The following MFAP5 variants were observed in gnomAD, a reference collection of about 807,000 sequenced individuals.
MFAP5 encodes the protein microfibril associated protein 5.
Under a neutral mutation model 30.1 loss-of-function variants are expected in MFAP5, and 19 were observed. The observed-to-expected ratio is 0.63, with a 90% CI of 0.44 to 0.93. MFAP5 has a LOEUF of 0.93. Among genes scored for constraint, MFAP5 ranks in the 40% least tolerant of loss-of-function variants. The pLI, the probability that MFAP5 is intolerant of heterozygous loss-of-function variation, is 0.00. For synonymous variants in MFAP5, 92 were observed against 72.9 expected (o/e 1.26, Z -1.33); for missense variants, 210 against 221.3 (o/e 0.95, Z 0.32).
At chr12:8,662,486 AAT>A in intron 1 of MFAP5, 139 bp downstream of exon 1, 1 of 220,042 alleles carries the variant, frequency 4.5e-6, no homozygotes, top group Admixed American at 5.2e-5. Context: ...CCTTCATCAG[AAT>A]TCCACGGTTA....
chr12:8,659,293 A>G (rs1942084632), intron 3 of MFAP5, among the ~76,000 whole-genome samples: 1 of 150,980 alleles, frequency 6.6e-6, no homozygotes, highest in African/African-American at 2.4e-5. Flanking sequence ...GGGTAACAAG[A>G]GCGAAACTCT....
intron 8 of MFAP5, 68 bp from the exon 9 acceptor site, chr12:8,649,642 G>C (rs1352102418): frequency 1.5e-6 from 2 of 1,300,454 alleles, no homozygotes; most frequent in Non-Finnish European, 1.1e-6. Flanking sequence ...GAACTCACCT[G>C]GGTCTGGGAT....
At chr12:8,655,907 G>A (rs2136471750) in intron 3 of MFAP5, 77 bp from the exon 4 acceptor site, 6 of 1,271,294 alleles carry the variant, frequency 4.7e-6, no homozygotes, top group Non-Finnish European at 5.6e-6. Flanking sequence ...AAGTTAAATT[G>A]CGAAGCATAG....
intron 3 of MFAP5, among the ~76,000 whole-genome samples, chr12:8,656,639 C>CACACATACACACACACACAT (rs1565526804): frequency 1.8e-4 from 24 of 130,192 alleles, no homozygotes; most frequent in African/African-American, 7.3e-4. Context: ...CACACACACA[C>CACACATACACACACACACAT]ACACACACAC....
intron 8 of MFAP5, among the ~76,000 whole-genome samples, chr12:8,650,225 G>A (rs1157293439): frequency 1.3e-5 from 2 of 152,028 alleles, no homozygotes; most frequent in Non-Finnish European, 2.9e-5. Flanking sequence ...CTTCTATCAG[G>A]TAATAAATTG....
At chr12:8,661,549 C>T (rs1358463457) in intron 2 of MFAP5, among the ~76,000 whole-genome samples, 3 of 149,730 alleles carry the variant, frequency 2.0e-5, no homozygotes, top group Non-Finnish European at 4.5e-5. Context: ...TTTCTTTTTT[C>T]CTTTTTTTTT....
chr12:8,647,245 C>T lies in MFAP5; in HGVS notation c.*846G>A, dbSNP rs760555204. On this transcript the variant is annotated 3_prime_UTR_variant, in exon 10 of 10. Transcript: ENST00000359478. ...TGAACGAAGTAGCAACTCAAGGAAACGTCAACCAATGGTATGATTTCACAT... is the reference window on the plus strand; with the variant it reads ...TGAACGAAGTAGCAACTCAAGGAAATGTCAACCAATGGTATGATTTCACAT... The T allele has an allele frequency of 2.0e-5, 3 of 152,210 alleles. No homozygotes were observed. Among genetic ancestry groups the T allele is most frequent in the Admixed American group, 6.5e-5 (1 of 15,274 alleles). 9.4% of individuals were successfully genotyped at this position (152,210 alleles called of 1,614,324 possible). A position where few individuals can be genotyped will look rare whatever the true frequency, so the allele number is the denominator to read the frequency against.
chr12:8,657,722 C>A (rs1942045524), intron 3 of MFAP5, among the ~76,000 whole-genome samples: 1 of 151,640 alleles, frequency 6.6e-6, no homozygotes, highest in Non-Finnish European at 1.5e-5. Flanking sequence ...CAGGCATGTG[C>A]CACCATGCCC....
intron 4 of MFAP5, 152 bp from the exon 5 acceptor site, chr12:8,655,599 A>G (rs1041768851): frequency 3.9e-6 from 4 of 1,013,872 alleles, no homozygotes; most frequent in Non-Finnish European, 5.8e-6. Flanking sequence ...GCAGAAAGAA[A>G]TGGAAGAGAG....
rs1401846357 is a variant in MFAP5 at position 8,655,361 on chromosome 12, T to C, written c.172+54A>G. 6 of 1,392,406 alleles carry C rather than the reference T, an allele frequency of 4.3e-6. No individual in the cohort carries two copies. The Admixed American group carries it at 8.4e-5, about 20-fold the overall frequency. 86.3% of individuals were successfully genotyped at this position (1,392,406 alleles called of 1,614,324 possible). A position where few individuals can be genotyped will look rare whatever the true frequency, so the allele number is the denominator to read the frequency against. ...TGAATTCAAGAGCTGGAATAAATAT[T>C]GTGAATATTAACAAGAACCATGCCA... On this transcript the variant is annotated intron_variant, in intron 5 of 9. Coordinates refer to ENST00000359478, the MANE Select transcript of MFAP5 (RefSeq NM_003480.4).
chr12:8,648,970 A>G (rs953972656), intron 9 of MFAP5, among the ~76,000 whole-genome samples: 1 of 152,202 alleles, frequency 6.6e-6, no homozygotes, highest in African/African-American at 2.4e-5. Context: ...CTTCTACCTG[A>G]AATGTCACAG....
intron 6 of MFAP5, 23 bp downstream of exon 6, chr12:8,654,414 G>T (rs2136468462): frequency 6.3e-7 from 1 of 1,587,606 alleles, no homozygotes; most frequent in South Asian, 1.1e-5. Context: ...CTGATGACCT[G>T]GGGGTCCCAG....
At chr12:8,657,273 G>A (rs935087147) in intron 3 of MFAP5, among the ~76,000 whole-genome samples, 3 of 152,002 alleles carry the variant, frequency 2.0e-5, no homozygotes, top group Non-Finnish European at 4.4e-5. Context: ...TACAAAATTA[G>A]CCTGGCGTGG....
intron 1 of MFAP5, chr12:8,662,371 A>G (rs1057314784): frequency 6.6e-6 from 3 of 453,586 alleles, no homozygotes; most frequent in Admixed American, 7.7e-5. Context: ...TACATTCTAC[A>G]TGGTCCGTAC....
intron 5 of MFAP5, 82 bp from the exon 6 acceptor site, chr12:8,654,563 T>TA: frequency 8.3e-7 from 1 of 1,207,948 alleles, no homozygotes; most frequent in Non-Finnish European, 1.2e-6. Context: ...AGAATGGAGA[T>TA]ACCGTGGCAG....
intron 2 of MFAP5, among the ~76,000 whole-genome samples, chr12:8,661,619 C>T (rs1942153844): frequency 6.6e-6 from 1 of 151,610 alleles, no homozygotes; most frequent in Non-Finnish European, 1.5e-5. Context: ...CAGTGATCCT[C>T]TCCACTCAGT....
rs762409024 is a variant in MFAP5, at chr12:8,654,508, G to A, written c.173-27C>T. The A allele has an allele frequency of 3.1e-6, 5 of 1,591,044 alleles. No homozygotes were observed. The African/African-American group carries it at 5.4e-5, about 17-fold the overall frequency. ...TGAAAAGGCACAAAACAGCAGGTAT[G>A]AGGAGGGCTTCAAATTGCAAACACA... On this transcript the variant is annotated intron_variant, in intron 5 of 9. Transcript: ENST00000359478.
chr12:8,658,768 C>T lies in MFAP5; in HGVS notation c.94+2095G>A, dbSNP rs116938649. 9.7e-3 allele frequency among the ~76,000 whole-genome samples: 1,472 copies of T among 151,960 alleles called. 9 individuals are homozygous for T. The highest frequency in any genetic ancestry group is 0.014 in the Non-Finnish European group (975 of 67,962). ...TAACCAACTGTTCCAAGAGCTATCACCATATAAATGCTTTATCTAGTATTC... is the reference window on the plus strand; with the variant it reads ...TAACCAACTGTTCCAAGAGCTATCATCATATAAATGCTTTATCTAGTATTC... On this transcript the variant is annotated intron_variant, in intron 3 of 9. Transcript: ENST00000359478.
chr12:8,655,195 T>C (rs1378964510), intron 5 of MFAP5, among the ~76,000 whole-genome samples: 2 of 151,674 alleles, frequency 1.3e-5, no homozygotes, highest in Admixed American at 6.6e-5. Context: ...GGAGAACCAC[T>C]TGAACCCCTG....
Sources: gnomAD v4.1 joint callset for allele counts (sites outside exome capture counted in the v4.1 genomes callset) on GRCh38, gnomAD v4.1.1 for gene constraint, MANE v1.5 for transcripts, NCBI Gene and HGNC (gene_info 2026-07-23, HGNC 2026-07-21) for gene names.